The following UBQLN1 variants were observed in gnomAD, a reference collection of about 807,000 sequenced individuals.
UBQLN1 encodes ubiquilin-1.
A neutral mutation model predicts 65.4 loss-of-function variants in UBQLN1; 13 were observed. That is an observed-to-expected ratio of 0.20 (90% CI 0.13 to 0.32). The LOEUF (loss-of-function observed/expected upper bound fraction) is 0.32, where lower values mean the gene tolerates loss of function less well. UBQLN1 is among the 10% of genes least tolerant of loss of function. UBQLN1 has a pLI of 1.00. For synonymous variants in UBQLN1, 267 were observed against 247.8 expected, an observed-to-expected ratio of 1.08 and a Z score of -0.73; for missense variants, 561 against 724.0, an observed-to-expected ratio of 0.77 and a Z score of 2.58.
intron 4 of UBQLN1, 25 bp from the exon 5 acceptor site, chr9:83,678,624 G>GAAA: frequency 7.0e-7 from 1 of 1,420,874 alleles, no homozygotes; most frequent in Non-Finnish European, 9.4e-7. Context: ...TCCAAAAAAA[G>GAAA]AAAAAAAAAA....
At chr9:83,700,746 T>G (rs1384985031) in intron 1 of UBQLN1, among the ~76,000 whole-genome samples, 3 of 152,014 alleles carry the variant, frequency 2.0e-5, no homozygotes, top group African/African-American at 7.3e-5. Context: ...TATTAACAGG[T>G]CAGGGAACTA....
At chr9:83,662,878 C>A (rs1206902316) in intron 10 of UBQLN1, among the ~76,000 whole-genome samples, 1 of 152,072 alleles carries the variant, frequency 6.6e-6, no homozygotes, top group Non-Finnish European at 1.5e-5. Context: ...AGTTTGAGAC[C>A]AACCTGGGCA....
chr9:83,675,264 C>A (rs1301804371), intron 6 of UBQLN1, among the ~76,000 whole-genome samples: 1 of 152,130 alleles, frequency 6.6e-6, no homozygotes, highest in South Asian at 2.1e-4. Context: ...AGAACCACTA[C>A]CCTGCCAACC....
chr9:83,693,946 T>C (rs1587658865), intron 1 of UBQLN1, among the ~76,000 whole-genome samples: 1 of 152,302 alleles, frequency 6.6e-6, no homozygotes, highest in Middle Eastern at 3.4e-3. Context: ...ATACGGAAAT[T>C]TCCTGGGCAC....
intron 1 of UBQLN1, among the ~76,000 whole-genome samples, chr9:83,688,635 G>A (rs891260059): frequency 1.1e-4 from 16 of 151,850 alleles, no homozygotes; most frequent in East Asian, 3.9e-4. Flanking sequence ...AGGCCGAGGC[G>A]GGCAGATGAC....
intron 6 of UBQLN1, among the ~76,000 whole-genome samples, chr9:83,670,958 C>T (rs1831719400): frequency 6.6e-6 from 1 of 152,154 alleles, no homozygotes; most frequent in Admixed American, 6.6e-5. Context: ...CATGCTCCAC[C>T]TCTTTTTTTC....
At position 83,692,886 on chromosome 9, in the gene UBQLN1, T is replaced by C. The variant is rs186381367; in HGVS notation, c.181-6731A>G. On this transcript the variant is annotated intron_variant, in intron 1 of 10. Transcript: ENST00000376395. ...TAATAACAACAATAATAAAAAAATATTTTCATCTAGGGAATAGCCAGAACC... is the reference window on the plus strand; with the variant it reads ...TAATAACAACAATAATAAAAAAATACTTTCATCTAGGGAATAGCCAGAACC... 2.3e-4 allele frequency among the ~76,000 whole-genome samples: 35 copies of C among 152,208 alleles called. No homozygotes were observed. The East Asian group carries it at 4.8e-3, about 21-fold the overall frequency.
At chr9:83,676,155 A>G (rs1279819045) in intron 6 of UBQLN1, among the ~76,000 whole-genome samples, 1 of 152,232 alleles carries the variant, frequency 6.6e-6, no homozygotes, top group African/African-American at 2.4e-5. Flanking sequence ...ATGTGTGCAT[A>G]TATGTATGCA....
chr9:83,707,359 G>A, intron 1 of UBQLN1, 141 bp downstream of exon 1: 1 of 930,000 alleles, frequency 1.1e-6, no homozygotes, highest in East Asian at 3.0e-5. Flanking sequence ...CACGAACTTG[G>A]GTGTGATCTA....
At chr9:83,678,923 G>A (rs41309243) in intron 4 of UBQLN1, among the ~76,000 whole-genome samples, 21,160 of 151,968 alleles carry the variant, frequency 0.14, 1,721 homozygotes, top group Middle Eastern at 0.25. Flanking sequence ...GGGTTTCACC[G>A]TGTTAGCCAG....
intron 1 of UBQLN1, among the ~76,000 whole-genome samples, chr9:83,695,050 G>A (rs755061326): frequency 8.3e-4 from 126 of 151,986 alleles, no homozygotes; most frequent in Admixed American, 5.3e-3. Flanking sequence ...CAAGTAGAAC[G>A]AGTAAGATAA....
chr9:83,680,952 T>C (rs562531397), intron 3 of UBQLN1, among the ~76,000 whole-genome samples: 1 of 152,308 alleles, frequency 6.6e-6, no homozygotes, highest in South Asian at 2.1e-4. Flanking sequence ...AAGCTGAATC[T>C]TGGACACAGA....
chr9:83,688,206 T>C (rs1262749970), intron 1 of UBQLN1, among the ~76,000 whole-genome samples: 1 of 152,216 alleles, frequency 6.6e-6, no homozygotes, highest in Non-Finnish European at 1.5e-5. Flanking sequence ...TGGTAGCTAC[T>C]ACTATGCCAG....
At chr9:83,689,226 T>C (rs1832088472) in intron 1 of UBQLN1, among the ~76,000 whole-genome samples, 1 of 152,216 alleles carries the variant, frequency 6.6e-6, no homozygotes, top group South Asian at 2.1e-4. Flanking sequence ...GATTCACCCA[T>C]GTCACAGCAT....
In UBQLN1 at chr9:83,669,371, T is replaced by TA. The variant is rs1199743557; in HGVS notation, c.1106-45dup. The TA allele has an allele frequency of 2.6e-6, 4 of 1,530,896 alleles. No individual in the cohort carries two copies. In the African/African-American group the frequency reaches 5.6e-5, roughly 22 times the overall value. 94.8% of individuals were successfully genotyped at this position (1,530,896 alleles called of 1,614,324 possible). A position where few individuals can be genotyped will look rare whatever the true frequency, so the allele number is the denominator to read the frequency against. ...AAAAGACATATTAAGGAAAAATACT[T>TA]AAACAAAAGTTAAAGCTTTAAAATA... On this transcript the variant is annotated intron_variant, in intron 6 of 10. Transcript: ENST00000376395.
chr9:83,672,056 T>A (rs1831742011), intron 6 of UBQLN1, among the ~76,000 whole-genome samples: 1 of 152,216 alleles, frequency 6.6e-6, no homozygotes, highest in Admixed American at 6.5e-5. Context: ...CATAAGCCAG[T>A]CAACCTCAGC....
rs1564176421 is a variant in UBQLN1 at position 83,707,691 on chromosome 9, CGGCGGCGGCGGT to C, written c.-24_-13del. The C allele has an allele frequency of 6.6e-7, 1 of 1,524,860 alleles. No individual in the cohort carries two copies. Among genetic ancestry groups the C allele is most frequent in the African/African-American group, 1.4e-5 (1 of 70,434 alleles). 94.5% of individuals were successfully genotyped at this position (1,524,860 alleles called of 1,614,324 possible). ...CCACTCTCGGCCATGGCTGTGGCGG[CGGCGGCGGCGGT>C]GACTCAGGCAAGCAGGAGGGAGCAG... On this transcript the variant is annotated 5_prime_UTR_variant, in exon 1 of 11. Transcript: ENST00000376395.
In UBQLN1 at chr9:83,669,614, G is replaced by A. The variant is rs1403583204; in HGVS notation, c.1106-287C>T. Among the ~76,000 whole-genome samples, 8 of 152,250 alleles carry A rather than the reference G, an allele frequency of 5.3e-5. No homozygotes were observed. The East Asian group carries it at 5.8e-4, about 11-fold the overall frequency. On this transcript the variant is annotated intron_variant, in intron 6 of 10. Coordinates refer to ENST00000376395, the MANE Select transcript of UBQLN1 (RefSeq NM_013438.5). ...GAAGTCAACTTAAGGCAAAAATTAC[G>A]TATGGTCAAAATTACTGCTGAAAAA...
At chr9:83,698,075 T>C (rs1455309947) in intron 1 of UBQLN1, among the ~76,000 whole-genome samples, 2 of 152,304 alleles carry the variant, frequency 1.3e-5, no homozygotes, top group Middle Eastern at 3.4e-3. Flanking sequence ...TAATAGTGCT[T>C]TCATCATAAA....
Sources: allele counts gnomAD v4.1 joint callset (sites outside exome capture counted in the v4.1 genomes callset), GRCh38; gene constraint gnomAD v4.1.1; transcripts MANE v1.5; gene names NCBI Gene and HGNC (gene_info 2026-07-23, HGNC 2026-07-21).